FCRL5: variants seen among roughly 807,000 people sequenced by gnomAD.
FCRL5 encodes Fc receptor-like protein 5.
Under a neutral mutation model 92.1 loss-of-function variants are expected in FCRL5, and 79 were observed. The observed-to-expected ratio is 0.86, with a 90% CI of 0.72 to 1.03. The LOEUF is 1.03. Ranked by LOEUF, FCRL5 falls within the 50% of genes least tolerant of loss-of-function variation. FCRL5 has a pLI of 0.00. For missense variants in FCRL5, 1,160 were observed against 1,181.1 expected, an observed-to-expected ratio of 0.98 and a Z score of 0.26; for synonymous variants, 466 against 469.3, an observed-to-expected ratio of 0.99 and a Z score of 0.09.
rs1483185898 is a variant in FCRL5 at position 157,514,505 on chromosome 1, G to A, written c.*1170C>T. On this transcript the variant is annotated 3_prime_UTR_variant, in exon 17 of 17. Coordinates refer to ENST00000361835, the MANE Select transcript of FCRL5 (RefSeq NM_031281.3). ...CTGGCCAGGGAGCAGCACGATCCGT[G>A]TGAACCGAGTTGGGCCCTGGGCAGC... is the stretch of plus-strand genomic sequence containing the variant. 1.3e-5 allele frequency: 2 copies of A among 152,380 alleles called. No individual in the cohort carries two copies. The highest frequency in any genetic ancestry group is 4.1e-4 in the South Asian group (2 of 4,830). 9.4% of individuals were successfully genotyped at this position (152,380 alleles called of 1,614,324 possible).
chr1:157,515,561 G>A lies in FCRL5; in HGVS notation c.*114C>T, dbSNP rs1289621604. The A allele has an allele frequency of 3.7e-6, 6 of 1,608,378 alleles. No individual in the cohort carries two copies. The highest frequency in any genetic ancestry group is 4.2e-6 in the Non-Finnish European group (5 of 1,177,002). ...TGAGAATGAGGACATGTGAAACAAA[G>A]GCCAGTAGATATGGTCTGGGGCAGC... On this transcript the variant is annotated 3_prime_UTR_variant, in exon 17 of 17. Transcript: ENST00000361835.
At position 157,539,366 on chromosome 1, in the gene FCRL5, T is replaced by TGA. The variant is rs780036387; in HGVS notation, c.1124-4_1124-3dup. On this transcript the variant is annotated splice_polypyrimidine_tract_variant and splice_region_variant and intron_variant, in intron 6 of 16. Transcript: ENST00000361835. ...TGAGGACAGGATGAGACACGGGAAC[T>TGA]GAGAGAGAGAAAAAATTAGTCAAGA... The TGA allele has an allele frequency of 9.9e-5, 157 of 1,584,596 alleles. 1 individual carries two copies. In the East Asian group the frequency reaches 2.9e-3, roughly 30 times the overall value.
chr1:157,545,874 T>G (rs1249931716), intron 3 of FCRL5, among the ~76,000 whole-genome samples: 2 of 152,194 alleles, frequency 1.3e-5, no homozygotes, highest in Admixed American at 6.5e-5. Context: ...TTTTCAGGGA[T>G]GGACATCTGT....
chr1:157,540,161 C>A (rs918702134), intron 6 of FCRL5, among the ~76,000 whole-genome samples: 1 of 152,248 alleles, frequency 6.6e-6, no homozygotes, highest in South Asian at 2.1e-4. Flanking sequence ...ACTTCCCAGG[C>A]TACTCTCACC....
At chr1:157,520,826 G>A (rs566682682) in intron 11 of FCRL5, among the ~76,000 whole-genome samples, 191 bp downstream of exon 11, 10 of 152,354 alleles carry the variant, frequency 6.6e-5, no homozygotes, top group Non-Finnish European at 1.5e-5. Flanking sequence ...CGCCCAGCCC[G>A]CCAACCCGCG....
chr1:157,518,766 C>T lies in FCRL5; in HGVS notation c.2677G>A (p.Asp893Asn). Residue 893 changes from aspartate (D) to asparagine (N), a missense_variant, in exon 14 of 17, where the codon GAC (aspartate) becomes AAC (asparagine). By Grantham distance (23) the Asp-to-Asn change is conservative. Transcript: ENST00000361835. ...TTGTGATAGGTGGGCTCTTGGGAGT[C>T]CGAGTCTGAAGGGCTCCTGTGAGAC... ...SDPARSPSDS[D>N]SQEPTYHNVP... 1 of 1,613,056 alleles carries T rather than the reference C, an allele frequency of 6.2e-7. No individual in the cohort carries two copies. The highest frequency in any genetic ancestry group is 8.5e-7 in the Non-Finnish European group (1 of 1,179,760).
At chr1:157,525,022 A>T (rs6699071) in intron 9 of FCRL5, among the ~76,000 whole-genome samples, 109,895 of 152,160 alleles carry the variant, frequency 0.72, 42,823 homozygotes, top group South Asian at 0.86. Flanking sequence ...AAAATTTTTT[A>T]AAAAATTGAG....
At chr1:157,527,956 C>T in intron 8 of FCRL5, 61 bp from the exon 9 acceptor site, 3 of 1,463,954 alleles carry the variant, frequency 2.0e-6, no homozygotes, top group Middle Eastern at 1.8e-4. Flanking sequence ...GCTCTTTGTC[C>T]TAGCCAGAAC....
In FCRL5 at chr1:157,524,401, G is replaced by A. The variant is rs775998452; in HGVS notation, c.2117C>T (p.Pro706Leu). 3 of 1,614,238 alleles carry A rather than the reference G, an allele frequency of 1.9e-6. No individual in the cohort carries two copies. Among genetic ancestry groups the A allele is most frequent in the South Asian group, 2.2e-5 (2 of 91,090 alleles). The change falls in exon 10 of 17, where the codon CCC becomes CTC. Residue 706 changes from proline (P) to leucine (L), a missense_variant. Coordinates refer to ENST00000361835, the MANE Select transcript of FCRL5 (RefSeq NM_031281.3). ...EDVTLGKISA[P>L]SGGGASFNLS... ...GTTGAAGGAGGCCCCTCCTCCAGAG[G>A]GGGCTGAGATCTTACCCAGGGTGAC...
rs192682087 is a variant in FCRL5, at chr1:157,528,320, C to A, written c.1682-425G>T. On this transcript the variant is annotated intron_variant, in intron 8 of 16. Coordinates refer to ENST00000361835, the MANE Select transcript of FCRL5 (RefSeq NM_031281.3). ...CTGGTGTAAGAAATCGCAGATGACA[C>A]AATCAAATGGAAACACATCCCATTC... The A allele has an allele frequency of 5.7e-3, 870 of 152,982 alleles. 10 individuals carry two copies. The highest frequency in any genetic ancestry group is 0.02 in the African/African-American group (826 of 41,576). 9.5% of individuals were successfully genotyped at this position (152,982 alleles called of 1,614,324 possible). A position where few individuals can be genotyped will look rare whatever the true frequency, so the allele number is the denominator to read the frequency against.
chr1:157,542,190 A>G (rs1651296206), intron 6 of FCRL5: 1 of 152,510 alleles, frequency 6.6e-6, no homozygotes, highest in African/African-American at 2.4e-5. Context: ...TCAGCCATGC[A>G]TGGATGGTTC....
intron 8 of FCRL5, chr1:157,533,056 G>A (rs1190577577): frequency 1.3e-5 from 2 of 152,240 alleles, no homozygotes; most frequent in East Asian, 3.9e-4. Flanking sequence ...GCACTGCAAA[G>A]TCTAAGACTA....
intron 15 of FCRL5, among the ~76,000 whole-genome samples, chr1:157,516,784 G>A (rs779119567): frequency 1.3e-5 from 2 of 152,222 alleles, no homozygotes; most frequent in Non-Finnish European, 2.9e-5. Context: ...GCATGAAGAA[G>A]CAGAGTTTGG....
At chr1:157,524,985 A>G (rs1361204384) in intron 9 of FCRL5, among the ~76,000 whole-genome samples, 1 of 152,210 alleles carries the variant, frequency 6.6e-6, no homozygotes. Context: ...TTTTACATTC[A>G]TTTATCCATC....
intron 8 of FCRL5, 54 bp from the exon 9 acceptor site, chr1:157,527,949 C>G (rs1308834409): frequency 6.7e-7 from 1 of 1,495,022 alleles, no homozygotes; most frequent in South Asian, 1.4e-5. Context: ...AGAAACAGCT[C>G]TTTGTCCTAG....
At chr1:157,536,130 C>G (rs1055857495) in intron 7 of FCRL5, among the ~76,000 whole-genome samples, 3 of 151,806 alleles carry the variant, frequency 2.0e-5, no homozygotes, top group African/African-American at 7.3e-5. Context: ...TTAGTAGACA[C>G]AGGATTTCAC....
At chr1:157,531,020 C>CAAT (rs1650673172) in intron 8 of FCRL5, among the ~76,000 whole-genome samples, 1 of 152,018 alleles carries the variant, frequency 6.6e-6, no homozygotes, top group African/African-American at 2.4e-5. Flanking sequence ...GCAAAGGAAA[C>CAAT]AATTAACAGA....
intron 3 of FCRL5, chr1:157,546,052 A>G (rs1651518719): frequency 5.2e-6 from 1 of 192,308 alleles, no homozygotes; most frequent in African/African-American, 2.3e-5. Flanking sequence ...CTCTTCCTTT[A>G]TCTTTCTTTC....
chr1:157,545,047 C>G lies in FCRL5; in HGVS notation c.343G>C (p.Glu115Gln). The part of the protein sequence containing the change: ...LILQAPLSVF[E>Q]GDSVVLRCRA... The stretch of plus-strand genomic sequence containing the variant: ...CACCTCAGAACCACAGAGTCTCCTT[C>G]AAACACAGAAAGTGGAGCTTGCAGG... The change falls in exon 4 of 17, where the codon GAA becomes CAA. Residue 115 changes from glutamate (E) to glutamine (Q), a missense_variant. Physicochemically the swap from Glu to Gln is conservative, Grantham distance 29 (BLOSUM62 2). Transcript: ENST00000361835. 1 of 1,612,896 alleles carries G rather than the reference C, an allele frequency of 6.2e-7. No individual in the cohort carries two copies. Among genetic ancestry groups the G allele is most frequent in the Non-Finnish European group, 8.5e-7 (1 of 1,180,020 alleles).
Sources: gnomAD v4.1 joint callset for allele counts (sites outside exome capture counted in the v4.1 genomes callset) on GRCh38, gnomAD v4.1.1 for gene constraint, MANE v1.5 for transcripts, NCBI Gene and HGNC (gene_info 2026-07-23, HGNC 2026-07-21) for gene names.